Variants in SKP2 observed in about 807,000 individuals in gnomAD.
The protein encoded by SKP2 is S-phase kinase-associated protein 2.
Under a neutral mutation model 51.8 loss-of-function variants are expected in SKP2, and 16 were observed. The observed-to-expected ratio is 0.31, with a 90% CI of 0.21 to 0.47. The LOEUF (loss-of-function observed/expected upper bound fraction) is 0.47, where lower values mean the gene tolerates loss of function less well. Ranked by LOEUF, SKP2 falls within the 20% of genes least tolerant of loss-of-function variation. The pLI is 1.00. For missense variants in SKP2, 377 were observed against 505.3 expected (o/e 0.75, Z 2.43); for synonymous variants, 176 against 198.6 (o/e 0.89, Z 0.96).
intron 7 of SKP2, among the ~76,000 whole-genome samples, chr5:36,174,211 C>T (rs940691843): frequency 2.6e-5 from 4 of 152,078 alleles, no homozygotes; most frequent in African/African-American, 4.8e-5. Context: ...TTTGAAGTAA[C>T]GGGTTGGATT....
intron 4 of SKP2, among the ~76,000 whole-genome samples, chr5:36,167,514 C>A (rs1004307090): frequency 2.0e-5 from 3 of 152,288 alleles, no homozygotes; most frequent in East Asian, 3.9e-4. Context: ...ATAGCTTGGC[C>A]CTCCCTTTCA....
chr5:36,183,633 TAAC>T lies in SKP2; in HGVS notation c.*1608_*1610del, dbSNP rs1259294718. 18 of 1,207,976 alleles carry T rather than the reference TAAC, an allele frequency of 1.5e-5. No individual in the cohort carries two copies. Among genetic ancestry groups the T allele is most frequent in the Non-Finnish European group, 1.7e-5 (17 of 972,274 alleles). The allele number at this position is 1,207,976 out of a possible 1,614,324, so 74.8% of individuals were successfully genotyped here. ...ATGACTTGTTCGTATGTTCAAAATG[TAAC>T]AACAAAAAAAGCTAACACCAGTCAT... is the stretch of plus-strand genomic sequence containing the variant. On this transcript the variant is annotated 3_prime_UTR_variant, in exon 10 of 10. Transcript: ENST00000274255.
At position 36,166,467 on chromosome 5, in the gene SKP2, T is replaced by A. The variant is rs199735988; in HGVS notation, c.393-52T>A. On this transcript the variant is annotated intron_variant, in intron 3 of 9. Coordinates refer to ENST00000274255, the MANE Select transcript of SKP2 (RefSeq NM_005983.4). ...CCTGTTAGTAATGTTGTTGAGGGCT[T>A]CCAGCATTTAGTGTGACCGACTGGC... 2.6e-4 allele frequency: 403 copies of A among 1,551,440 alleles called. 2 individuals carry two copies. The highest frequency in any genetic ancestry group is 5.0e-5 in the Non-Finnish European group (56 of 1,125,066).
In SKP2 at chr5:36,153,183, C is replaced by T. The variant is rs530039397; in HGVS notation, c.280+141C>T. The T allele has an allele frequency of 3.9e-4, 250 of 641,580 alleles. No homozygotes were observed. In the African/African-American group the frequency reaches 4.3e-3, roughly 11 times the overall value. The allele number at this position is 641,580 out of a possible 1,614,324, so 39.7% of individuals were successfully genotyped here. On this transcript the variant is annotated intron_variant, in intron 2 of 9. Coordinates refer to ENST00000274255, the MANE Select transcript of SKP2 (RefSeq NM_005983.4). ...GAAGCTATTTTTCAACAAAATAGGG[C>T]AAGTCGTCAAGTATGCAGGAATCTT...
downstream of SKP2, among the ~76,000 whole-genome samples, chr5:36,188,127 C>G (rs527957831): frequency 6.6e-6 from 1 of 152,258 alleles, no homozygotes; most frequent in South Asian, 2.1e-4. Context: ...ATGTGTATCT[C>G]TGCACGTGAG....
chr5:36,164,390 A>T (rs555875187), intron 3 of SKP2, among the ~76,000 whole-genome samples: 1 of 152,298 alleles, frequency 6.6e-6, no homozygotes, highest in African/African-American at 2.4e-5. Flanking sequence ...GGTGAGTTGC[A>T]TGTGGAAAGA....
rs3849785 is a variant in SKP2, at chr5:36,184,182, C to G, written c.*2151C>G. On this transcript the variant is annotated 3_prime_UTR_variant, in exon 10 of 10. Coordinates refer to ENST00000274255, the MANE Select transcript of SKP2 (RefSeq NM_005983.4). ...AGAGCCCTGAGATGGTCCTTTTTGA[C>G]CCATCTACTTCATATGCTTGTCACA... 0.013 allele frequency: 5,774 copies of G among 429,432 alleles called. 400 individuals carry two copies. In the East Asian group the frequency reaches 0.15, roughly 11 times the overall value. The allele number at this position is 429,432 out of a possible 1,614,324, so 26.6% of individuals were successfully genotyped here.
chr5:36,176,213 T>A (rs1745627650), intron 7 of SKP2, among the ~76,000 whole-genome samples: 1 of 151,968 alleles, frequency 6.6e-6, no homozygotes, highest in South Asian at 2.1e-4. Context: ...TTGTTCATGT[T>A]CATTGCCTAT....
intron 6 of SKP2, among the ~76,000 whole-genome samples, chr5:36,191,305 C>G (rs13160147): frequency 6.6e-6 from 1 of 151,620 alleles, no homozygotes; most frequent in Non-Finnish European, 1.5e-5. Context: ...GCTAACCATC[C>G]GAAAACAGGA....
intron 2 of SKP2, among the ~76,000 whole-genome samples, chr5:36,163,285 C>G (rs1745181979): frequency 6.6e-6 from 1 of 152,160 alleles, no homozygotes; most frequent in Admixed American, 6.5e-5. Flanking sequence ...GTGGGACTTG[C>G]TCTGTACCAC....
At chr5:36,192,786 A>G (rs1385191771) in intron 7 of SKP2, 3 of 152,236 alleles carry the variant, frequency 2.0e-5, no homozygotes, top group Non-Finnish European at 4.4e-5. Context: ...AATAATACAC[A>G]GCAGTGGGGA....
chr5:36,184,458 G>C (rs557189212), downstream of SKP2: 1 of 152,112 alleles, frequency 6.6e-6, no homozygotes, highest in Admixed American at 6.5e-5. Context: ...TCCCCTTCCT[G>C]TGTCCAGGTG....
At chr5:36,188,815 T>G (rs944522082), downstream of SKP2, among the ~76,000 whole-genome samples, 2 of 152,244 alleles carry the variant, frequency 1.3e-5, no homozygotes, top group African/African-American at 4.8e-5. Context: ...GATAATATCC[T>G]GCAGAGTGTT....
rs765995439 is a variant in SKP2 at position 36,163,801 on chromosome 5, A to G, written c.392+45A>G. Reference sequence around the variant, plus strand: ...TTGGCAAACGTAGGGGAGGAAGAGGAGAGGAAGGTTATTTATTCGTTTTGG... The same window carrying G: ...TTGGCAAACGTAGGGGAGGAAGAGGGGAGGAAGGTTATTTATTCGTTTTGG... On this transcript the variant is annotated intron_variant, in intron 3 of 9. Transcript: ENST00000274255. The G allele has an allele frequency of 2.4e-6, 3 of 1,264,902 alleles. No homozygotes were observed. In the South Asian group the frequency reaches 3.6e-5, roughly 15 times the overall value. 78.4% of individuals were successfully genotyped at this position (1,264,902 alleles called of 1,614,324 possible).
chr5:36,185,161 C>G (rs1416155241), downstream of SKP2, among the ~76,000 whole-genome samples: 3 of 152,028 alleles, frequency 2.0e-5, no homozygotes, highest in African/African-American at 7.3e-5. Flanking sequence ...GGATATTAGC[C>G]GTTTGTCAGA....
At chr5:36,175,782 A>G (rs938651304) in intron 7 of SKP2, among the ~76,000 whole-genome samples, 2 of 152,070 alleles carry the variant, frequency 1.3e-5, no homozygotes, top group South Asian at 2.1e-4. Context: ...CGTTTTCATA[A>G]TGATTAGCAG....
At chr5:36,180,555 GAATA>G (rs1274352956) in intron 9 of SKP2, among the ~76,000 whole-genome samples, 1 of 152,122 alleles carries the variant, frequency 6.6e-6, no homozygotes, top group Non-Finnish European at 1.5e-5. Flanking sequence ...GTAGAATGTA[GAATA>G]AATACATTTA....
rs1744791887 is a variant in SKP2 at position 36,152,896 on chromosome 5, A to T, written c.134A>T (p.Glu45Val). ...GMGVSALEKE[E>V]PDSENIPQEL... ...GGGGTCTCCGCCCTGGAGAAAGAGG[A>T]GCCCGACAGTGAGAACATCCCCCAG... Residue 45 changes from glutamate (E) to valine (V), a missense_variant, in exon 2 of 10, where the codon GAG becomes GTG. Physicochemically the swap from Glu to Val is moderately radical, Grantham distance 121 (BLOSUM62 -2). Around this residue, in one of 2 missense-constraint regions of SKP2, gnomAD observed 115 missense variants for 115.5 expected, o/e 1.00. Transcript: ENST00000274255. The T allele has an allele frequency of 1.2e-6, 2 of 1,613,992 alleles. No homozygotes were observed. The highest frequency in any genetic ancestry group is 2.7e-5 in the African/African-American group (2 of 74,876).
In SKP2 at chr5:36,182,399, C is replaced by T; in HGVS notation, c.*368C>T. ...CCACCAGCAAACAATCTTCATAGCC[C>T]ATATAACTTTTATCTATTTAATTTT... On this transcript the variant is annotated 3_prime_UTR_variant, in exon 10 of 10. Coordinates refer to ENST00000274255, the MANE Select transcript of SKP2 (RefSeq NM_005983.4). 9.8e-7 allele frequency: 1 copy of T among 1,017,342 alleles called. No homozygotes were observed. Among genetic ancestry groups the T allele is most frequent in the Non-Finnish European group, 1.2e-6 (1 of 848,876 alleles). 63.0% of individuals were successfully genotyped at this position (1,017,342 alleles called of 1,614,324 possible). A position where few individuals can be genotyped will look rare whatever the true frequency, so the allele number is the denominator to read the frequency against.
Sources: gnomAD v4.1 joint callset for allele counts (sites outside exome capture counted in the v4.1 genomes callset) on GRCh38, gnomAD v4.1.1 for gene constraint, gnomAD v4.1.1 regional missense constraint, MANE v1.5 for transcripts, NCBI Gene and HGNC (gene_info 2026-07-23, HGNC 2026-07-21) for gene names.